Variants in RBMS1 observed in about 807,000 individuals in gnomAD.
The protein encoded by RBMS1 is RNA binding motif single stranded interacting protein 1.
A neutral mutation model predicts 62.3 loss-of-function variants in RBMS1; 17 were observed. That is an observed-to-expected ratio of 0.27 (90% CI 0.19 to 0.41). RBMS1 has a LOEUF of 0.41. RBMS1 is among the 10% of genes least tolerant of loss of function. The pLI is 1.00. For missense variants in RBMS1, 334 were observed against 504.5 expected (o/e 0.66, Z 3.24); for synonymous variants, 172 against 170.0 (o/e 1.01, Z -0.09).
rs1362236017 is a variant in RBMS1 at position 160,367,406 on chromosome 2, TCAG to T, written c.76-18_76-16del. 1.9e-6 allele frequency: 3 copies of T among 1,613,946 alleles called. No individual in the cohort carries two copies. Among genetic ancestry groups the T allele is most frequent in the Non-Finnish European group, 2.5e-6 (3 of 1,179,888 alleles). The stretch of plus-strand genomic sequence containing the variant: ...ACCAGAGACTGCTGGAAAACAAAGA[TCAG>T]GAGCCTTAGTATGCTAGCATTAGGA... On this transcript the variant is annotated splice_polypyrimidine_tract_variant and intron_variant, in intron 1 of 13. Transcript: ENST00000348849.
chr2:160,441,088 C>T (rs998237867), intron 1 of RBMS1, among the ~76,000 whole-genome samples: 2 of 152,182 alleles, frequency 1.3e-5, no homozygotes, highest in African/African-American at 4.8e-5. Flanking sequence ...GGAGTTTTGC[C>T]AGTATCTGGA....
chr2:160,334,925 T>C lies in RBMS1; in HGVS notation c.252-16698A>G, dbSNP rs1691483666. On this transcript the variant is annotated intron_variant, in intron 2 of 13. Coordinates refer to ENST00000348849, the MANE Select transcript of RBMS1 (RefSeq NM_016836.4). ...AAAGCTATAATGGATACCTAAGATT[T>C]TATCCTGAAATGTGAAAAAAAAAAA... 2.6e-5 allele frequency among the ~76,000 whole-genome samples: 4 copies of C among 151,918 alleles called. No individual in the cohort carries two copies. In the Middle Eastern group the frequency reaches 0.01, roughly 388 times the overall value.
intron 1 of RBMS1, among the ~76,000 whole-genome samples, chr2:160,368,668 T>G (rs1693549111): frequency 6.6e-6 from 1 of 152,206 alleles, no homozygotes; most frequent in Non-Finnish European, 1.5e-5. Flanking sequence ...AGATGGAGTC[T>G]CGCTCTGTCA....
In RBMS1 at chr2:160,407,856, G is replaced by A. The variant is rs1001048173; in HGVS notation, c.76-40465C>T. The A allele has an allele frequency of 7.1e-6, 7 of 981,206 alleles. No homozygotes were observed. The African/African-American group carries it at 8.8e-5, about 12-fold the overall frequency. 60.8% of individuals were successfully genotyped at this position (981,206 alleles called of 1,614,324 possible). ...GCCGACTCTCCCGGCGGCAGCGGAG[G>A]AGCAGCGCCGCCGCGTCCCCACCTA... On this transcript the variant is annotated intron_variant, in intron 1 of 13. Transcript: ENST00000348849.
At chr2:160,385,394 G>A (rs981077742) in intron 1 of RBMS1, among the ~76,000 whole-genome samples, 1 of 152,158 alleles carries the variant, frequency 6.6e-6, no homozygotes, top group Non-Finnish European at 1.5e-5. Context: ...ATAAAAAAGA[G>A]AGAGAGAAAG....
At chr2:160,367,576 G>C (rs1368167773) in intron 1 of RBMS1, 185 bp from the exon 2 acceptor site, 1 of 1,125,566 alleles carries the variant, frequency 8.9e-7, no homozygotes, top group East Asian at 2.7e-5. Flanking sequence ...ACATAAAATT[G>C]ATAATAGGGT....
chr2:160,471,009 C>T (rs1004859100), intron 1 of RBMS1, among the ~76,000 whole-genome samples: 5 of 152,154 alleles, frequency 3.3e-5, no homozygotes, highest in African/African-American at 7.2e-5. Context: ...ATTGCACTGA[C>T]ATACTGAGCT....
intron 2 of RBMS1, among the ~76,000 whole-genome samples, chr2:160,352,488 A>T (rs750619405): frequency 1.5e-4 from 23 of 152,138 alleles, no homozygotes; most frequent in Non-Finnish European, 2.2e-4. Context: ...AAAACAAATA[A>T]TAGGAAATGC....
chr2:160,436,556 G>C (rs758454248), intron 1 of RBMS1, among the ~76,000 whole-genome samples: 1 of 152,026 alleles, frequency 6.6e-6, no homozygotes, highest in African/African-American at 2.4e-5. Flanking sequence ...ACAAAGTTTT[G>C]GGTTGATATG....
intron 2 of RBMS1, among the ~76,000 whole-genome samples, chr2:160,363,104 C>G (rs765132756): frequency 2.0e-5 from 3 of 152,164 alleles, no homozygotes; most frequent in Non-Finnish European, 4.4e-5. Context: ...TAATGCTTAT[C>G]ACAATTTTTG....
chr2:160,424,369 G>GT lies in RBMS1; in HGVS notation c.76-56979_76-56978insA, dbSNP rs536733611. ...TTTAAGCCAGAGGTGAGAGATTGGG[G>GT]GGGGGGGGAAACAAAAAGAAAGATG... On this transcript the variant is annotated intron_variant, in intron 1 of 13. Transcript: ENST00000348849. Among the ~76,000 whole-genome samples, 639 of 149,618 alleles carry GT rather than the reference G, an allele frequency of 4.3e-3. 5 individuals are homozygous for GT. The highest frequency in any genetic ancestry group is 0.014 in the African/African-American group (576 of 40,456).
At chr2:160,390,241 T>C (rs971726572) in intron 1 of RBMS1, among the ~76,000 whole-genome samples, 8 of 152,024 alleles carry the variant, frequency 5.3e-5, no homozygotes, top group Admixed American at 1.3e-4. Flanking sequence ...GCAGGAACTT[T>C]AGGAAAAAAA....
chr2:160,281,411 G>A (rs769063552), intron 9 of RBMS1, 47 bp from the exon 10 acceptor site: 1 of 1,441,116 alleles, frequency 6.9e-7, no homozygotes, highest in Non-Finnish European at 9.7e-7. Context: ...TCATTGTAAA[G>A]CTTACCTATT....
In RBMS1 at chr2:160,392,103, C is replaced by G. The variant is rs116031069; in HGVS notation, c.76-24712G>C. 3.5e-3 allele frequency among the ~76,000 whole-genome samples: 538 copies of G among 152,248 alleles called. 2 individuals are homozygous for G. The highest frequency in any genetic ancestry group is 6.0e-3 in the Non-Finnish European group (408 of 68,006). ...AGCTCTTAATCCAAAACCTTTTAAC[C>G]AAACCTATGAATCAGACCTACCTTC... On this transcript the variant is annotated intron_variant, in intron 1 of 13. Transcript: ENST00000348849.
intron 1 of RBMS1, among the ~76,000 whole-genome samples, chr2:160,463,924 T>G (rs1430870679): frequency 2.0e-5 from 3 of 152,212 alleles, no homozygotes; most frequent in Admixed American, 6.5e-5. Flanking sequence ...TCTATGGTTA[T>G]GAAAAGGAAT....
chr2:160,359,522 T>C (rs1693008122), intron 2 of RBMS1, among the ~76,000 whole-genome samples: 1 of 152,160 alleles, frequency 6.6e-6, no homozygotes, highest in South Asian at 2.1e-4. Flanking sequence ...TACCTCATCA[T>C]AGGATCATTC....
At chr2:160,361,312 A>G (rs2106017442) in intron 2 of RBMS1, among the ~76,000 whole-genome samples, 1 of 152,346 alleles carries the variant, frequency 6.6e-6, no homozygotes, top group Admixed American at 6.5e-5. Flanking sequence ...ACTCCACTAC[A>G]AATCAGGGAG....
intron 1 of RBMS1, among the ~76,000 whole-genome samples, chr2:160,426,306 G>A (rs1427422760): frequency 4.4e-5 from 3 of 67,892 alleles, no homozygotes; most frequent in Non-Finnish European, 1.1e-4. Context: ...AAGAAGGAAG[G>A]AAGGAAGGAA....
At chr2:160,424,202 C>G (rs945259945) in intron 1 of RBMS1, among the ~76,000 whole-genome samples, 1 of 151,722 alleles carries the variant, frequency 6.6e-6, no homozygotes, top group Non-Finnish European at 1.5e-5. Flanking sequence ...GTATTTTTAG[C>G]AGAGACAGGT....
Sources: gnomAD v4.1 joint callset for allele counts (sites outside exome capture counted in the v4.1 genomes callset) on GRCh38, gnomAD v4.1.1 for gene constraint, MANE v1.5 for transcripts, NCBI Gene and HGNC (gene_info 2026-07-23, HGNC 2026-07-21) for gene names.